The following MAGEC3 variants were observed in gnomAD, a reference collection of about 807,000 sequenced individuals.
MAGEC3 encodes the protein melanoma-associated antigen C3.
A neutral mutation model predicts 35.3 loss-of-function variants in MAGEC3; 34 were observed. The ratio of observed to expected loss-of-function variants is 0.96; its 90% confidence interval spans 0.73 to 1.28. MAGEC3 has a LOEUF of 1.28. Among genes scored for constraint, MAGEC3 ranks in the 50% most tolerant of loss-of-function variants. MAGEC3 has a pLI of 0.00. For missense variants in MAGEC3, 561 were observed against 483.6 expected, an observed-to-expected ratio of 1.16 and a Z score of -1.50; for synonymous variants, 202 against 185.6, an observed-to-expected ratio of 1.09 and a Z score of -0.72.
In MAGEC3 at chrX:141,897,035, C is replaced by T. The variant is rs780585307; in HGVS notation, c.1277C>T (p.Thr426Ile). Residue 426 changes from threonine to isoleucine, a missense_variant, in exon 7 of 8, where the codon ACC (threonine) becomes ATC (isoleucine). Coordinates refer to ENST00000298296, the MANE Select transcript of MAGEC3 (RefSeq NM_138702.1). ...TCCTGCTCATCCCCTCTTTTGTGGA[C>T]CCGATTGGATGAGGAGTCCAGCAGT... ...LDSCSSPLLW[T>I]RLDEESSSEE... is the part of the protein sequence containing the mutation. 6 of 1,211,233 alleles carry T rather than the reference C, an allele frequency of 5.0e-6. No homozygotes were observed. In the South Asian group the frequency reaches 1.1e-4, roughly 21 times the overall value.
intron 1 of MAGEC3, among the ~76,000 whole-genome samples, chrX:141,852,022 A>G (rs2017753566): frequency 9.1e-6 from 1 of 109,780 alleles, no homozygotes; most frequent in South Asian, 3.8e-4. Context: ...CTACAGATCA[A>G]TGTGAGCAGT....
chrX:141,870,493 G>GT (rs757873001), intron 2 of MAGEC3, among the ~76,000 whole-genome samples: 23 of 110,486 alleles, frequency 2.1e-4, no homozygotes, highest in African/African-American at 5.3e-4. Context: ...GTTTACACAG[G>GT]TTTTTTTTGC....
chrX:141,873,883 G>A (rs1039010813), intron 2 of MAGEC3, among the ~76,000 whole-genome samples: 39 of 111,544 alleles, frequency 3.5e-4, no homozygotes, highest in African/African-American at 1.2e-3. Context: ...TGTTTTATGT[G>A]GAAAGGCAAA....
chrX:141,889,569 G>T (rs1032720745), intron 4 of MAGEC3, among the ~76,000 whole-genome samples: 3 of 112,032 alleles, frequency 2.7e-5, no homozygotes, highest in Non-Finnish European at 5.6e-5. Flanking sequence ...TGATTGACCC[G>T]GGCTATCAAG....
intron 4 of MAGEC3, among the ~76,000 whole-genome samples, chrX:141,891,979 C>T (rs1423702378): frequency 9.1e-6 from 1 of 109,866 alleles, no homozygotes; most frequent in African/African-American, 3.3e-5. Flanking sequence ...GAAATTTGGA[C>T]ATAGAGATAT....
chrX:141,870,737 C>T (rs1178801245), intron 2 of MAGEC3, among the ~76,000 whole-genome samples: 1 of 111,462 alleles, frequency 9.0e-6, no homozygotes, highest in Non-Finnish European at 1.9e-5. Context: ...CATGTATAAC[C>T]TGTTAAGTTT....
chrX:141,896,179 G>A (rs2018092747), intron 6 of MAGEC3: 1 of 177,024 alleles, frequency 5.6e-6, no homozygotes, highest in Non-Finnish European at 9.7e-6. Context: ...ACTTCCTCTT[G>A]CAGGTGCTCC....
intron 1 of MAGEC3, among the ~76,000 whole-genome samples, chrX:141,854,405 G>T (rs1230829962): frequency 4.5e-5 from 5 of 110,980 alleles, no homozygotes; most frequent in Non-Finnish European, 9.5e-5. Flanking sequence ...GTTTGGCCCT[G>T]TTTCCCTGCC....
At chrX:141,843,998 A>C (rs1191163969) in intron 1 of MAGEC3, among the ~76,000 whole-genome samples, 3 of 110,532 alleles carry the variant, frequency 2.7e-5, no homozygotes, top group Non-Finnish European at 5.7e-5. Context: ...GTATGATGTT[A>C]ATATCCCTCA....
At chrX:141,885,899 CTTTGTGAAACAGA>C (rs781538718) in intron 4 of MAGEC3, among the ~76,000 whole-genome samples, 519 of 110,785 alleles carry the variant, frequency 4.7e-3, no homozygotes, top group African/African-American at 0.016. Flanking sequence ...TTGACCAATC[CTTTGTGAAACAGA>C]TTTGTGAGGG....
In MAGEC3 at chrX:141,865,574, A is replaced by G. The variant is rs746514177; in HGVS notation, c.227A>G (p.Asp76Gly). The G allele has an allele frequency of 6.6e-6, 8 of 1,206,884 alleles. No individual in the cohort carries two copies. Among genetic ancestry groups the G allele is most frequent in the Middle Eastern group, 2.3e-4 (1 of 4,309 alleles). ...GGTGGAACTTCAGATCAGCGAATGG[A>G]TAGTCTTGTCCTCTGCCCCACATAC... ...LRGGTSDQRM[D>G]SLVLCPTYFK... Residue 76 changes from aspartate to glycine, a missense_variant, in exon 2 of 8, where the codon GAT becomes GGT. Transcript: ENST00000298296.
rs764441359 is a variant in MAGEC3, at chrX:141,882,753, C to T, written c.909+957C>T. Among the ~76,000 whole-genome samples, 5 of 111,999 alleles carry T rather than the reference C, an allele frequency of 4.5e-5. No homozygotes were observed. In the South Asian group the frequency reaches 1.9e-3, roughly 42 times the overall value. On this transcript the variant is annotated intron_variant, in intron 4 of 7. Transcript: ENST00000298296. The stretch of plus-strand genomic sequence containing the variant: ...TTAATAGTGGGGATACAGTGAAAAG[C>T]AAGAGTTATGCCTTACCTATAAAAC...
intron 2 of MAGEC3, among the ~76,000 whole-genome samples, chrX:141,875,518 G>A (rs1297210841): frequency 2.7e-5 from 3 of 110,685 alleles, no homozygotes; most frequent in East Asian, 5.7e-4. Context: ...CTGAATCTAC[G>A]TGAGAATAAG....
Position 141,897,224 on chromosome X carries a change from AG to A in MAGEC3, c.1467del (p.Lys489AsnfsTer8). 4 of 1,212,045 alleles carry A rather than the reference AG, an allele frequency of 3.3e-6. No homozygotes were observed. Among genetic ancestry groups the A allele is most frequent in the Non-Finnish European group, 4.5e-6 (4 of 895,565 alleles). On this transcript the variant is annotated frameshift_variant, in exon 7 of 8. Transcript: ENST00000298296. LOFTEE classifies it high-confidence loss of function. ...KAEMLTTVIK[K>X]YKDYFPMIFG... ...GAGATGCTGACGACTGTCATCAAGAAGTATAAGGACTATTTTCCCATGATCT... is the reference window on the plus strand; with the variant it reads ...GAGATGCTGACGACTGTCATCAAGAATATAAGGACTATTTTCCCATGATCT...
rs1360199757 is a variant in MAGEC3, at chrX:141,866,296, G to A, written c.258+691G>A. Among the ~76,000 whole-genome samples, 5 of 111,495 alleles carry A rather than the reference G, an allele frequency of 4.5e-5. No homozygotes were observed. The East Asian group carries it at 1.1e-3, about 25-fold the overall frequency. Reference sequence around the variant, plus strand: ...GCTTCTAATTTAATTATAATCCATGGAGCTGTAATCCATGTTAAAAAAATT... The same window carrying A: ...GCTTCTAATTTAATTATAATCCATGAAGCTGTAATCCATGTTAAAAAAATT... On this transcript the variant is annotated intron_variant, in intron 2 of 7. Coordinates refer to ENST00000298296, the MANE Select transcript of MAGEC3 (RefSeq NM_138702.1).
intron 3 of MAGEC3, among the ~76,000 whole-genome samples, chrX:141,880,023 G>A (rs1415080946): frequency 2.7e-5 from 3 of 111,602 alleles, no homozygotes; most frequent in South Asian, 7.6e-4. Flanking sequence ...CCCTCGTAGA[G>A]CTCCCCAGTC....
chrX:141,896,465 G>C, intron 6 of MAGEC3: 1 of 1,160,948 alleles, frequency 8.6e-7, no homozygotes, highest in Non-Finnish European at 1.1e-6. Flanking sequence ...GAAGACAGGC[G>C]ACCTGTGAGG....
chrX:141,844,389 G>A (rs908579754), intron 1 of MAGEC3, among the ~76,000 whole-genome samples: 1 of 111,105 alleles, frequency 9.0e-6, no homozygotes, highest in African/African-American at 3.3e-5. Flanking sequence ...GTTGCAATAT[G>A]TGAATTATCT....
At chrX:141,846,774 G>A (rs1333768000) in intron 1 of MAGEC3, among the ~76,000 whole-genome samples, 1 of 110,742 alleles carries the variant, frequency 9.0e-6, no homozygotes, top group Admixed American at 9.6e-5. Context: ...TATATAATTT[G>A]ACAGTTGTTG....
Sources: allele counts gnomAD v4.1 joint callset (sites outside exome capture counted in the v4.1 genomes callset), GRCh38; gene constraint gnomAD v4.1.1; transcripts MANE v1.5; gene names NCBI Gene and HGNC (gene_info 2026-07-23, HGNC 2026-07-21).